SDK1: variants seen among roughly 807,000 people sequenced by gnomAD.
The protein encoded by SDK1 is protein sidekick-1.
Under a neutral mutation model 245.5 loss-of-function variants are expected in SDK1, and 157 were observed. The observed-to-expected ratio is 0.64, with a 90% CI of 0.56 to 0.73. The LOEUF (loss-of-function observed/expected upper bound fraction) is 0.73. Ranked by LOEUF, SDK1 falls within the 30% of genes least tolerant of loss-of-function variation. SDK1 has a pLI of 0.00. For missense variants in SDK1, 3,583 were observed against 3,002.3 expected (o/e 1.19, Z -4.52); for synonymous variants, 1,647 against 1,278.5 (o/e 1.29, Z -6.15).
intron 4 of SDK1, among the ~76,000 whole-genome samples, chr7:3,709,923 G>A (rs566503951): frequency 6.6e-6 from 1 of 152,322 alleles, no homozygotes; most frequent in South Asian, 2.1e-4. Context: ...GAGCTCACAG[G>A]AGCAAAGCAC....
At chr7:3,588,807 C>T (rs1021446205) in intron 1 of SDK1, among the ~76,000 whole-genome samples, 1 of 152,164 alleles carries the variant, frequency 6.6e-6, no homozygotes, top group African/African-American at 2.4e-5. Context: ...TACTTTGCAT[C>T]ACTACTTTGG....
At chr7:3,848,043 A>G (rs1780324973) in intron 5 of SDK1, among the ~76,000 whole-genome samples, 1 of 152,270 alleles carries the variant, frequency 6.6e-6, no homozygotes, top group African/African-American at 2.4e-5. Context: ...GCACAAGCAC[A>G]TACACATACA....
intron 32 of SDK1, among the ~76,000 whole-genome samples, chr7:4,169,385 G>C (rs1387675146): frequency 6.6e-6 from 1 of 152,148 alleles, no homozygotes; most frequent in Non-Finnish European, 1.5e-5. Flanking sequence ...ACCTGCCCCT[G>C]CCCTTCATGC....
chr7:3,690,465 T>A (rs1029155908), intron 4 of SDK1, among the ~76,000 whole-genome samples: 2 of 152,224 alleles, frequency 1.3e-5, no homozygotes, highest in Admixed American at 6.5e-5. Context: ...ATTGTTTCTC[T>A]TTCAAATTTT....
At chr7:4,019,451 G>C (rs995981095) in intron 17 of SDK1, among the ~76,000 whole-genome samples, 3 of 152,200 alleles carry the variant, frequency 2.0e-5, no homozygotes, top group Non-Finnish European at 4.4e-5. Flanking sequence ...GTTCCCCTAA[G>C]ATAGTGGCAC....
chr7:3,796,625 T>C (rs58964004), intron 4 of SDK1, among the ~76,000 whole-genome samples: 29,521 of 152,130 alleles, frequency 0.19, 5,080 homozygotes, highest in African/African-American at 0.47. Context: ...CCACCTTGGC[T>C]CAAGCCAACA....
chr7:3,992,193 C>A (rs549752820), intron 14 of SDK1, among the ~76,000 whole-genome samples: 2 of 152,332 alleles, frequency 1.3e-5, no homozygotes, highest in East Asian at 1.9e-4. Flanking sequence ...TCTGCCCTGA[C>A]GACATTCCTG....
intron 5 of SDK1, among the ~76,000 whole-genome samples, chr7:3,903,100 G>A (rs1026899852): frequency 4.6e-5 from 7 of 151,850 alleles, no homozygotes; most frequent in Admixed American, 1.3e-4. Context: ...ACTCTCACTA[G>A]GATGACAGGT....
intron 44 of SDK1, among the ~76,000 whole-genome samples, chr7:4,252,290 G>C (rs543435259): frequency 6.9e-6 from 1 of 144,254 alleles, no homozygotes; most frequent in East Asian, 2.1e-4. Context: ...TCCCACCTAT[G>C]AGTGAGAACA....
chr7:3,641,905 C>G, intron 3 of SDK1, 53 bp from the exon 4 acceptor site: 3 of 1,508,034 alleles, frequency 2.0e-6, no homozygotes, highest in African/African-American at 2.8e-5. Context: ...GTGACCCCTT[C>G]CCTCCCCCAA....
At chr7:3,747,592 C>G (rs758628737) in intron 4 of SDK1, among the ~76,000 whole-genome samples, 3 of 152,068 alleles carry the variant, frequency 2.0e-5, no homozygotes, top group Admixed American at 6.5e-5. Context: ...GGAAGACAAG[C>G]ATTAAATAAA....
In SDK1 at chr7:3,644,773, C is replaced by CAAA. The variant is rs34276127; in HGVS notation, c.713+2685_713+2687dup. On this transcript the variant is annotated intron_variant, in intron 4 of 44. Transcript: ENST00000404826. The stretch of plus-strand genomic sequence containing the variant: ...GGGTGACAGAGCAAGACCCTGTCTC[C>CAAA]AAAAAAAAAAAAAAAAAAACAAAAA... Among the ~76,000 whole-genome samples the CAAA allele has an allele frequency of 5.4e-3, 215 of 39,958 alleles. 10 individuals carry two copies. The highest frequency in any genetic ancestry group is 0.015 in the African/African-American group (149 of 10,240). The allele number at this position is 39,958 out of a possible 152,430, so 26.2% of individuals were successfully genotyped here. A position where few individuals can be genotyped will look rare whatever the true frequency, so the allele number is the denominator to read the frequency against.
intron 1 of SDK1, among the ~76,000 whole-genome samples, chr7:3,408,849 C>T (rs1779122191): frequency 1.3e-5 from 2 of 152,208 alleles, no homozygotes; most frequent in Admixed American, 6.5e-5. Flanking sequence ...TATAAAATAG[C>T]AGTGCTACTT....
intron 4 of SDK1, among the ~76,000 whole-genome samples, chr7:3,750,299 T>G (rs1779737293): frequency 6.6e-6 from 1 of 151,976 alleles, no homozygotes; most frequent in African/African-American, 2.4e-5. Context: ...TGGAGAAGAG[T>G]GGCAAGGAAA....
intron 1 of SDK1, among the ~76,000 whole-genome samples, chr7:3,427,816 G>C (rs1426611386): frequency 6.7e-6 from 1 of 150,066 alleles, no homozygotes; most frequent in Non-Finnish European, 1.5e-5. Context: ...AGCTCCTGTG[G>C]CTGCACATCA....
intron 1 of SDK1, among the ~76,000 whole-genome samples, chr7:3,613,386 C>T (rs1395923951): frequency 1.3e-5 from 2 of 152,250 alleles, no homozygotes; most frequent in South Asian, 2.1e-4. Flanking sequence ...TAAATGTTTA[C>T]TTAGGGAAGT....
chr7:3,972,563 T>C (rs1782569370), intron 12 of SDK1, among the ~76,000 whole-genome samples: 1 of 151,916 alleles, frequency 6.6e-6, no homozygotes, highest in Non-Finnish European at 1.5e-5. Flanking sequence ...GCCTTGAAAA[T>C]AAAAAAGGAA....
intron 1 of SDK1, among the ~76,000 whole-genome samples, chr7:3,439,018 C>A (rs1219238326): frequency 3.3e-5 from 5 of 151,680 alleles, no homozygotes; most frequent in Non-Finnish European, 7.4e-5. Flanking sequence ...ACGCCCAGCT[C>A]ACTTTTGTAT....
chr7:3,679,752 A>G (rs887420321), intron 4 of SDK1, among the ~76,000 whole-genome samples: 2 of 152,252 alleles, frequency 1.3e-5, no homozygotes, highest in African/African-American at 4.8e-5. Context: ...CAGTAACAAC[A>G]TCAAATACGT....
Sources: allele counts gnomAD v4.1 joint callset (sites outside exome capture counted in the v4.1 genomes callset), GRCh38; gene constraint gnomAD v4.1.1; transcripts MANE v1.5; gene names NCBI Gene and HGNC (gene_info 2026-07-23, HGNC 2026-07-21).